The following PDE3B variants were observed in gnomAD, a reference collection of about 807,000 sequenced individuals.
The protein encoded by PDE3B is cGMP-inhibited 3',5'-cyclic phosphodiesterase 3B.
PDE3B carries 66 observed loss-of-function variants against 116.8 expected under a neutral mutation model. The observed-to-expected ratio is 0.56, with a 90% confidence interval of 0.46 to 0.69. The LOEUF (loss-of-function observed/expected upper bound fraction) is 0.69, where lower values mean the gene tolerates loss of function less well. PDE3B is among the 30% of genes least tolerant of loss of function. PDE3B has a pLI of 0.00. For missense variants in PDE3B, 1,384 were observed against 1,368.1 expected (o/e 1.01, Z -0.18); for synonymous variants, 595 against 533.6 (o/e 1.12, Z -1.59).
At chr11:14,750,616 A>G (rs1233604999) in intron 1 of PDE3B, among the ~76,000 whole-genome samples, 4 of 152,036 alleles carry the variant, frequency 2.6e-5, no homozygotes, top group African/African-American at 9.7e-5. Context: ...TATAAATTTT[A>G]TTGACTGATT....
the PDE3B span, chr11:14,892,181 C>A: frequency 6.2e-7 from 1 of 1,610,528 alleles, no homozygotes; most frequent in South Asian, 1.1e-5. Flanking sequence ...GCCGCGCCCT[C>A]TTCAGCTCTC....
Position 14,831,633 on chromosome 11 carries a change from T to G in PDE3B, c.1957-7T>G. On this transcript the variant is annotated splice_region_variant and splice_polypyrimidine_tract_variant and intron_variant, in intron 8 of 15. Transcript: ENST00000282096. The stretch of plus-strand genomic sequence containing the variant: ...AAAATAAAGTTGTTGTTTCCCTGTA[T>G]GTACAGATTGAACAGGAAGTATCAC... 2 of 1,543,436 alleles carry G rather than the reference T, an allele frequency of 1.3e-6. No homozygotes were observed. The highest frequency in any genetic ancestry group is 1.8e-6 in the Non-Finnish European group (2 of 1,138,702).
intron 1 of PDE3B, among the ~76,000 whole-genome samples, chr11:14,749,857 A>G (rs1857007501): frequency 7.2e-6 from 1 of 138,024 alleles, no homozygotes; most frequent in Admixed American, 7.7e-5. Context: ...ATTTATATAT[A>G]TTTAAAATTT....
chr11:14,846,403 CA>C (rs1299941961), intron 12 of PDE3B, among the ~76,000 whole-genome samples: 4 of 152,182 alleles, frequency 2.6e-5, no homozygotes, highest in Admixed American at 1.3e-4. Flanking sequence ...TTGTAAAGAC[CA>C]TCGAGGCTAG....
chr11:14,729,461 T>C (rs1179670122), intron 1 of PDE3B, among the ~76,000 whole-genome samples: 1 of 152,228 alleles, frequency 6.6e-6, no homozygotes, highest in African/African-American at 2.4e-5. Context: ...GATGCTTTGC[T>C]TTTGTGAAAA....
intron 12 of PDE3B, 82 bp downstream of exon 12, chr11:14,844,108 T>C: frequency 2.0e-6 from 2 of 975,722 alleles, no homozygotes; most frequent in Non-Finnish European, 3.2e-6. Context: ...AATCATTCAG[T>C]TGAATCATAT....
chr11:14,763,992 C>A (rs1857428785), intron 1 of PDE3B, among the ~76,000 whole-genome samples: 1 of 152,088 alleles, frequency 6.6e-6, no homozygotes, highest in Non-Finnish European at 1.5e-5. Flanking sequence ...AATAAAAACA[C>A]TTTAATGAAG....
chr11:14,885,987 C>G, the PDE3B span: 2 of 1,492,100 alleles, frequency 1.3e-6, no homozygotes. Flanking sequence ...TGGAAATCTA[C>G]AAGTGGTAAG....
chr11:14,896,144 GC>G, the PDE3B span, among the ~76,000 whole-genome samples: 1 of 152,108 alleles, frequency 6.6e-6, no homozygotes, highest in Non-Finnish European at 1.5e-5. Context: ...TACCCACTGG[GC>G]CATCTTCTGT....
At chr11:14,896,814 C>A in the PDE3B span, among the ~76,000 whole-genome samples, 2 of 152,152 alleles carry the variant, frequency 1.3e-5, no homozygotes, top group African/African-American at 2.4e-5. Context: ...TAATTTAAAG[C>A]CTTCTTCTGC....
At chr11:14,740,680 T>C (rs936017547) in intron 1 of PDE3B, among the ~76,000 whole-genome samples, 16 of 152,232 alleles carry the variant, frequency 1.1e-4, no homozygotes, top group Admixed American at 3.9e-4. Context: ...TCTAGTACTT[T>C]TAATTGTGAT....
intron 4 of PDE3B, among the ~76,000 whole-genome samples, chr11:14,796,339 A>T (rs1423364990): frequency 6.6e-6 from 1 of 152,174 alleles, no homozygotes; most frequent in African/African-American, 2.4e-5. Context: ...ATACATGTGC[A>T]TGTGTTTTTA....
chr11:14,694,893 G>A (rs988538224), intron 1 of PDE3B, among the ~76,000 whole-genome samples: 3 of 152,060 alleles, frequency 2.0e-5, no homozygotes, highest in South Asian at 2.1e-4. Context: ...TTAAATAATG[G>A]TTTTAAATTG....
intron 1 of PDE3B, among the ~76,000 whole-genome samples, chr11:14,690,790 C>G (rs907491912): frequency 6.6e-6 from 1 of 151,976 alleles, no homozygotes; most frequent in Non-Finnish European, 1.5e-5. Flanking sequence ...TTTGGCAATT[C>G]AGGGATTATT....
chr11:14,778,007 C>A (rs571026284), intron 2 of PDE3B, among the ~76,000 whole-genome samples: 1 of 152,222 alleles, frequency 6.6e-6, no homozygotes, highest in Non-Finnish European at 1.5e-5. Flanking sequence ...AACGGCACAC[C>A]AGGAGATTAT....
chr11:14,657,998 A>G (rs899861685), intron 1 of PDE3B, among the ~76,000 whole-genome samples: 1 of 152,222 alleles, frequency 6.6e-6, no homozygotes, highest in Non-Finnish European at 1.5e-5. Flanking sequence ...TTCCCTGGTC[A>G]TTAGCAGAAT....
chr11:14,815,715 CA>C (rs1442626060), intron 5 of PDE3B, among the ~76,000 whole-genome samples: 4 of 151,934 alleles, frequency 2.6e-5, no homozygotes, highest in African/African-American at 9.7e-5. Context: ...ACATGAACAC[CA>C]GGGGGCAAGG....
chr11:14,669,455 C>A (rs118061164), intron 1 of PDE3B, among the ~76,000 whole-genome samples: 1 of 152,056 alleles, frequency 6.6e-6, no homozygotes, highest in Non-Finnish European at 1.5e-5. Flanking sequence ...ATGAAATATT[C>A]GTAACACTAC....
At chr11:14,767,878 A>T (rs556576942) in intron 1 of PDE3B, among the ~76,000 whole-genome samples, 1 of 151,332 alleles carries the variant, frequency 6.6e-6, no homozygotes, top group South Asian at 2.1e-4. Flanking sequence ...TTAAAATTTT[A>T]TGTTTTTAAA....
Sources: gnomAD v4.1 joint callset for allele counts (sites outside exome capture counted in the v4.1 genomes callset) on GRCh38, gnomAD v4.1.1 for gene constraint, MANE v1.5 for transcripts, NCBI Gene and HGNC (gene_info 2026-07-23, HGNC 2026-07-21) for gene names.